The following ATAD2B variants were observed in gnomAD, a reference collection of about 807,000 sequenced individuals.
ATAD2B encodes ATPase family AAA domain containing 2B, also known as ATPase family AAA domain-containing protein 2B.
Under a neutral mutation model 167.6 loss-of-function variants are expected in ATAD2B, and 40 were observed. That is an observed-to-expected ratio of 0.24 (90% CI 0.19 to 0.31). ATAD2B has a LOEUF of 0.31. Ranked by LOEUF, ATAD2B falls within the 10% of genes least tolerant of loss-of-function variation. ATAD2B has a pLI of 1.00. For synonymous variants in ATAD2B, 579 were observed against 596.5 expected (o/e 0.97, Z 0.43); for missense variants, 1,242 against 1,757.2 (o/e 0.71, Z 5.24).
At chr2:23,886,001 GTGGCCTGT>G (rs1698615364) in intron 4 of ATAD2B, among the ~76,000 whole-genome samples, 172 bp from the exon 5 acceptor site, 1 of 152,066 alleles carries the variant, frequency 6.6e-6, no homozygotes, top group Admixed American at 6.6e-5. Flanking sequence ...CTGGAGTGCA[GTGGCCTGT>G]TCATGGCTCA....
At chr2:23,779,038 G>C (rs1328488682) in intron 22 of ATAD2B, among the ~76,000 whole-genome samples, 1 of 152,106 alleles carries the variant, frequency 6.6e-6, no homozygotes, top group Non-Finnish European at 1.5e-5. Context: ...AAATGGGGCC[G>C]ACATCCAGCC....
chr2:23,839,473 T>G (rs1206552000), intron 13 of ATAD2B, among the ~76,000 whole-genome samples: 1 of 152,146 alleles, frequency 6.6e-6, no homozygotes, highest in African/African-American at 2.4e-5. Context: ...TATTAAACAT[T>G]TCTTCCACAT....
At chr2:23,709,239 T>C in the ATAD2B span, among the ~76,000 whole-genome samples, 3 of 152,084 alleles carry the variant, frequency 2.0e-5, no homozygotes, top group Admixed American at 6.6e-5. Context: ...CGGTGGTTTT[T>C]CCATGTTGGT....
the ATAD2B span, among the ~76,000 whole-genome samples, chr2:23,704,759 T>C: frequency 6.6e-6 from 1 of 152,054 alleles, no homozygotes; most frequent in African/African-American, 2.4e-5. Context: ...AGGAAAAGAC[T>C]CCGTCTCACA....
At chr2:23,720,711 C>A in the ATAD2B span, among the ~76,000 whole-genome samples, 1 of 152,116 alleles carries the variant, frequency 6.6e-6, no homozygotes, top group East Asian at 1.9e-4. Flanking sequence ...AGCAGAAGAT[C>A]CCCATCAACC....
chr2:23,786,256 A>C, intron 20 of ATAD2B, 33 bp from the exon 21 acceptor site: 1 of 1,515,104 alleles, frequency 6.6e-7, no homozygotes, highest in East Asian at 2.5e-5. Context: ...TTAAGATTCC[A>C]ACGTCGTGGG....
chr2:23,890,676 A>G (rs1699348686), intron 2 of ATAD2B, among the ~76,000 whole-genome samples: 1 of 152,238 alleles, frequency 6.6e-6, no homozygotes, highest in Non-Finnish European at 1.5e-5. Flanking sequence ...ATACAAAGCC[A>G]AATGGTTGGA....
At position 23,754,779 on chromosome 2, in the gene ATAD2B, A is replaced by G; in HGVS notation, c.4079-5T>C. 6.2e-7 allele frequency: 1 copy of G among 1,608,016 alleles called. No homozygotes were observed. Among genetic ancestry groups the G allele is most frequent in the East Asian group, 2.2e-5 (1 of 44,826 alleles). On this transcript the variant is annotated splice_polypyrimidine_tract_variant and splice_region_variant and intron_variant, in intron 25 of 27. Coordinates refer to ENST00000238789, the MANE Select transcript of ATAD2B (RefSeq NM_017552.4). ...ATTTCTTTACTTTAGAAGCACCTATAATTGAGACAAAAAAATACACTGCAG... is the reference window on the plus strand; with the variant it reads ...ATTTCTTTACTTTAGAAGCACCTATGATTGAGACAAAAAAATACACTGCAG...
the ATAD2B span, among the ~76,000 whole-genome samples, chr2:23,680,561 C>T: frequency 6.6e-6 from 1 of 152,328 alleles, no homozygotes; most frequent in East Asian, 1.9e-4. The surrounding 1 kb of genome is among the most constrained non-coding windows in gnomAD (Gnocchi z 4.1). Flanking sequence ...ACCTGGTAGG[C>T]TCAGCTGCCA....
the ATAD2B span, among the ~76,000 whole-genome samples, chr2:23,729,076 C>T: frequency 6.6e-6 from 1 of 152,194 alleles, no homozygotes; most frequent in East Asian, 1.9e-4. Context: ...TGAGAACTCA[C>T]TATCACAAGA....
At chr2:23,856,755 G>C (rs999716422) in intron 13 of ATAD2B, among the ~76,000 whole-genome samples, 1 of 152,070 alleles carries the variant, frequency 6.6e-6, no homozygotes, top group African/African-American at 2.4e-5. Context: ...AGCTACTTGG[G>C]AGGCTGAGGC....
the ATAD2B span, chr2:23,697,862 C>T: frequency 3.3e-5 from 5 of 152,166 alleles, no homozygotes; most frequent in African/African-American, 7.2e-5. Context: ...CATCGGCTTC[C>T]GATCATTTGT....
At chr2:23,888,267 T>A in intron 3 of ATAD2B, 83 bp downstream of exon 3, 1 of 961,232 alleles carries the variant, frequency 1.0e-6, no homozygotes, top group African/African-American at 1.7e-5. Context: ...CACTATTAAA[T>A]CACTCTATTT....
chr2:23,884,076 G>A (rs1296417841), intron 6 of ATAD2B, among the ~76,000 whole-genome samples: 5 of 152,070 alleles, frequency 3.3e-5, no homozygotes, highest in East Asian at 1.9e-4. Context: ...CCCAGGAGGC[G>A]GAGGTTGCAG....
At chr2:23,828,782 A>AT (rs1219518758) in intron 15 of ATAD2B, 67 bp downstream of exon 15, 1 of 998,930 alleles carries the variant, frequency 1.0e-6, no homozygotes, top group African/African-American at 1.6e-5. Flanking sequence ...CACATTCCAA[A>AT]TAAGGGGAAA....
At chr2:23,848,309 G>A (rs968821407) in intron 13 of ATAD2B, among the ~76,000 whole-genome samples, 1 of 151,682 alleles carries the variant, frequency 6.6e-6, no homozygotes, top group Non-Finnish European at 1.5e-5. Context: ...TCGAGACCGT[G>A]TCTCTACTAA....
At chr2:23,742,607 T>C in the ATAD2B span, among the ~76,000 whole-genome samples, 3 of 149,496 alleles carry the variant, frequency 2.0e-5, no homozygotes, top group Admixed American at 6.6e-5. Context: ...TAATGATAAA[T>C]GACGAGTTAA....
intron 14 of ATAD2B, among the ~76,000 whole-genome samples, chr2:23,830,313 A>T (rs1160614717): frequency 6.6e-6 from 1 of 152,194 alleles, no homozygotes; most frequent in Non-Finnish European, 1.5e-5. Flanking sequence ...AAACACTAAC[A>T]TATAAGAATC....
the ATAD2B span, among the ~76,000 whole-genome samples, chr2:23,692,286 C>T: frequency 1.3e-5 from 2 of 152,218 alleles, no homozygotes; most frequent in African/African-American, 4.8e-5. Flanking sequence ...TGGGCTGCCT[C>T]AGATGTCTGT....
Sources: allele counts gnomAD v4.1 joint callset (sites outside exome capture counted in the v4.1 genomes callset), GRCh38; gene constraint gnomAD v4.1.1; non-coding constraint Gnocchi (gnomAD v3.1); transcripts MANE v1.5; gene names NCBI Gene and HGNC (gene_info 2026-07-23, HGNC 2026-07-21).